Variants in LMBR1 observed in about 807,000 individuals in gnomAD.
The protein encoded by LMBR1 is limb development membrane protein 1, also known as limb region 1 protein homolog.
Under a neutral mutation model 73.9 loss-of-function variants are expected in LMBR1, and 52 were observed. That is an observed-to-expected ratio of 0.70 (90% CI 0.56 to 0.89). The LOEUF (loss-of-function observed/expected upper bound fraction) is 0.89, where lower values mean the gene tolerates loss of function less well. Ranked by LOEUF, LMBR1 falls within the 40% of genes least tolerant of loss-of-function variation. The probability of loss-of-function intolerance (pLI) is 0.00; values close to 1 mark genes in which losing one functional copy is unlikely to be tolerated. For missense variants in LMBR1, 539 were observed against 579.8 expected, an observed-to-expected ratio of 0.93 and a Z score of 0.72; for synonymous variants, 215 against 209.4, an observed-to-expected ratio of 1.03 and a Z score of -0.23.
intron 1 of LMBR1, among the ~76,000 whole-genome samples, chr7:156,873,253 C>T (rs939747064): frequency 1.3e-5 from 2 of 151,524 alleles, no homozygotes; most frequent in East Asian, 1.9e-4. Flanking sequence ...TGCAGACCTT[C>T]GCGGTGAGTG....
At chr7:156,700,812 T>C (rs1440924189) in intron 15 of LMBR1, among the ~76,000 whole-genome samples, 1 of 152,230 alleles carries the variant, frequency 6.6e-6, no homozygotes, top group Non-Finnish European at 1.5e-5. Context: ...TGCCCCATTC[T>C]ACTGTTACCA....
Position 156,890,961 on chromosome 7 carries a change from C to A in LMBR1, c.66+1967G>T, listed in dbSNP as rs545194153. 1.9e-4 allele frequency among the ~76,000 whole-genome samples: 29 copies of A among 151,954 alleles called. No homozygotes were observed. The South Asian group carries it at 6.0e-3, about 32-fold the overall frequency. On this transcript the variant is annotated intron_variant, in intron 1 of 16. Coordinates refer to ENST00000353442, the MANE Select transcript of LMBR1 (RefSeq NM_022458.4). ...ATCCCAGCACTTTGGGAGGCCAAGG[C>A]AGGTGGATCACCTGAGGTCAGGAGT...
chr7:156,821,105 ACTGAATGTTTT>A (rs2133755639), intron 4 of LMBR1, among the ~76,000 whole-genome samples: 1 of 152,308 alleles, frequency 6.6e-6, no homozygotes, highest in South Asian at 2.1e-4. Flanking sequence ...CCCATCATGA[ACTGAATGTTTT>A]CCGACCCACC....
chr7:156,870,492 G>A (rs535660393), intron 1 of LMBR1, among the ~76,000 whole-genome samples: 273 of 152,294 alleles, frequency 1.8e-3, no homozygotes, highest in African/African-American at 6.2e-3. Context: ...GATGCCGGGC[G>A]CAGTGGCTCA....
In LMBR1 at chr7:156,683,857, T is replaced by G. The variant is rs890360947; in HGVS notation, c.*221A>C. 32 of 503,568 alleles carry G rather than the reference T, an allele frequency of 6.4e-5. No homozygotes were observed. The highest frequency in any genetic ancestry group is 6.0e-4 in the African/African-American group (31 of 51,596). The allele number at this position is 503,568 out of a possible 1,614,324, so 31.2% of individuals were successfully genotyped here. A position where few individuals can be genotyped will look rare whatever the true frequency, so the allele number is the denominator to read the frequency against. On this transcript the variant is annotated 3_prime_UTR_variant, in exon 17 of 17. Coordinates refer to ENST00000353442, the MANE Select transcript of LMBR1 (RefSeq NM_022458.4). ...CGCTGTTCTATATGTCTGTAAGGAA[T>G]CTGCACTTAACTGGAAACTACAGGG...
At chr7:156,743,565 C>T (rs1030163306) in intron 9 of LMBR1, among the ~76,000 whole-genome samples, 8 of 152,174 alleles carry the variant, frequency 5.3e-5, no homozygotes, top group Non-Finnish European at 7.4e-5. Context: ...AAAAGTACTG[C>T]CATCCTCAAG....
At chr7:156,712,260 A>C (rs1170877031) in intron 15 of LMBR1, among the ~76,000 whole-genome samples, 1 of 152,232 alleles carries the variant, frequency 6.6e-6, no homozygotes, top group Non-Finnish European at 1.5e-5. Flanking sequence ...CATATGAAAA[A>C]ATGCTCCACA....
downstream of LMBR1, among the ~76,000 whole-genome samples, chr7:156,674,369 G>A (rs1253868271): frequency 6.6e-6 from 1 of 152,246 alleles, no homozygotes; most frequent in African/African-American, 2.4e-5. Context: ...ATCTCTGGGT[G>A]AGCCACAGCT....
At chr7:156,825,545 A>T (rs1835532821) in intron 4 of LMBR1, among the ~76,000 whole-genome samples, 1 of 152,198 alleles carries the variant, frequency 6.6e-6, no homozygotes, top group Non-Finnish European at 1.5e-5. Flanking sequence ...CTATGTACTC[A>T]CAAAAATTAA....
At position 156,826,726 on chromosome 7, in the gene LMBR1, G is replaced by T; in HGVS notation, c.198C>A (p.Phe66Leu). The T allele has an allele frequency of 4.3e-6, 7 of 1,609,952 alleles. No homozygotes were observed. Among genetic ancestry groups the T allele is most frequent in the African/African-American group, 1.3e-5 (1 of 74,936 alleles). Residue 66 changes from phenylalanine (F) to leucine (L), a missense_variant, in exon 4 of 17, where the codon TTC becomes TTA. Physicochemically the swap from Phe to Leu is conservative, Grantham distance 22 (BLOSUM62 0). This residue lies in a region of LMBR1 where 454 missense variants were observed against 473.4 expected (regional missense o/e 0.96). Transcript: ENST00000353442. ...CAGCCCCAGCTGACACTGCGAGAGT[G>T]AACGTGCTCAAAAACAACCTGGAAG... ...VNRISLFLST[F>L]TLAVSAGAVL...
chr7:156,816,917 T>A (rs931798719), intron 4 of LMBR1, among the ~76,000 whole-genome samples: 1 of 152,192 alleles, frequency 6.6e-6, no homozygotes, highest in African/African-American at 2.4e-5. Flanking sequence ...CATTATTTCA[T>A]ATTAATTTGT....
intron 15 of LMBR1, among the ~76,000 whole-genome samples, chr7:156,692,550 C>T (rs1306691040): frequency 6.6e-6 from 1 of 152,174 alleles, no homozygotes; most frequent in East Asian, 1.9e-4. Flanking sequence ...CAACAGTTTT[C>T]AAGACCCTAG....
chr7:156,735,611 G>T (rs79426021), intron 9 of LMBR1, among the ~76,000 whole-genome samples: 3,858 of 148,904 alleles, frequency 0.026, 173 homozygotes, highest in African/African-American at 0.091. Flanking sequence ...CTGTTTGCTA[G>T]GGTTTTTTTG....
intron 1 of LMBR1, among the ~76,000 whole-genome samples, chr7:156,870,888 A>C (rs374161828): frequency 5.9e-5 from 9 of 152,238 alleles, no homozygotes; most frequent in Admixed American, 3.3e-4. Context: ...AAAAGTCTCA[A>C]ATAACCTCAC....
intron 9 of LMBR1, among the ~76,000 whole-genome samples, chr7:156,740,352 G>C (rs1343196296): frequency 6.6e-6 from 1 of 152,162 alleles, no homozygotes; most frequent in African/African-American, 2.4e-5. Context: ...GAGAATATTA[G>C]AGAACTTCCC....
At position 156,727,964 on chromosome 7, in the gene LMBR1, A is replaced by T; in HGVS notation, c.959T>A (p.Leu320Ter). ...TTTTGGCATTGCTGTTTCATCAACC[A>T]ATAGGCAAAGAATATTACAAGCCAC... ...LLVACNILCL[L>*]VDETAMPKGT... The change falls in exon 12 of 17, where the codon TTG becomes TAG. Residue 320 changes from leucine (L) to a stop codon, truncating the protein, a stop_gained. Coordinates refer to ENST00000353442, the MANE Select transcript of LMBR1 (RefSeq NM_022458.4). LOFTEE classifies it high-confidence loss of function. The T allele has an allele frequency of 6.2e-7, 1 of 1,613,582 alleles. No homozygotes were observed.
chr7:156,837,495 A>C (rs1445800069), intron 1 of LMBR1, among the ~76,000 whole-genome samples: 1 of 152,026 alleles, frequency 6.6e-6, no homozygotes, highest in Non-Finnish European at 1.5e-5. Context: ...GTGAAGAATC[A>C]GACCATCACC....
downstream of LMBR1, chr7:156,677,107 T>A (rs1804207426): frequency 6.4e-6 from 1 of 155,668 alleles, no homozygotes; most frequent in African/African-American, 2.4e-5. Context: ...AATAAAATAT[T>A]CAGTGGTATT....
At chr7:156,768,226 G>C (rs988691941) in intron 5 of LMBR1, among the ~76,000 whole-genome samples, 7 of 152,000 alleles carry the variant, frequency 4.6e-5, no homozygotes, top group African/African-American at 1.4e-4. Flanking sequence ...AAAACACAAA[G>C]ATTAGCTGTA....
Sources: gnomAD v4.1 joint callset for allele counts (sites outside exome capture counted in the v4.1 genomes callset) on GRCh38, gnomAD v4.1.1 for gene constraint, gnomAD v4.1.1 regional missense constraint, MANE v1.5 for transcripts, NCBI Gene and HGNC (gene_info 2026-07-23, HGNC 2026-07-21) for gene names.